IL1RAPL1: variants seen among roughly 807,000 people sequenced by gnomAD.
IL1RAPL1 encodes interleukin 1 receptor accessory protein like 1.
A neutral mutation model predicts 48.4 loss-of-function variants in IL1RAPL1; 3 were observed. The ratio of observed to expected loss-of-function variants is 0.06; its 90% CI spans 0.03 to 0.16. The LOEUF is 0.16. IL1RAPL1 is among the 10% of genes least tolerant of loss of function. The pLI is 1.00. For synonymous variants in IL1RAPL1, 185 were observed against 187.7 expected (o/e 0.99, Z 0.12); for missense variants, 349 against 530.6 (o/e 0.66, Z 3.36).
At chrX:29,733,960 A>G (rs1265859482) in intron 6 of IL1RAPL1, among the ~76,000 whole-genome samples, 2 of 112,673 alleles carry the variant, frequency 1.8e-5, no homozygotes, top group African/African-American at 6.5e-5. Context: ...ATATGAACTT[A>G]ATTAAAAGTA....
chrX:29,918,658 C>A (rs1184648147), intron 7 of IL1RAPL1, among the ~76,000 whole-genome samples: 2 of 111,240 alleles, frequency 1.8e-5, no homozygotes, highest in African/African-American at 6.5e-5. Flanking sequence ...TAAGGATACA[C>A]AAAATGTGTT....
At chrX:29,175,073 C>CA (rs3065738) in intron 2 of IL1RAPL1, among the ~76,000 whole-genome samples, 84 of 61,490 alleles carry the variant, frequency 1.4e-3, no homozygotes, top group Admixed American at 2.7e-3. Context: ...GACTCCGTCT[C>CA]AAAAAAAAAA....
chrX:28,626,402 C>T (rs1569140929), intron 1 of IL1RAPL1, among the ~76,000 whole-genome samples: 1 of 112,015 alleles, frequency 8.9e-6, no homozygotes, highest in East Asian at 2.8e-4. Context: ...CTTTTTCTCT[C>T]TTTTTTTAAA....
At chrX:29,268,987 A>G (rs1032559986) in intron 2 of IL1RAPL1, among the ~76,000 whole-genome samples, 10 of 111,916 alleles carry the variant, frequency 8.9e-5, no homozygotes, top group African/African-American at 3.2e-4. Flanking sequence ...CTTTTGAAGG[A>G]TGCATCAAGA....
chrX:29,258,857 A>G (rs141158457), intron 2 of IL1RAPL1, among the ~76,000 whole-genome samples: 1,790 of 111,635 alleles, frequency 0.016, 17 homozygotes, highest in Non-Finnish European at 0.023. Flanking sequence ...TCTGCTGGGC[A>G]TGGTTCAAAT....
chrX:29,571,119 G>A (rs867784994), intron 5 of IL1RAPL1, among the ~76,000 whole-genome samples: 12 of 110,924 alleles, frequency 1.1e-4, no homozygotes, highest in African/African-American at 2.3e-4. Flanking sequence ...CTACTCAGGA[G>A]GCTGAGGCAG....
chrX:28,731,634 A>G (rs1372278777), intron 1 of IL1RAPL1, among the ~76,000 whole-genome samples: 3 of 111,296 alleles, frequency 2.7e-5, no homozygotes, highest in Non-Finnish European at 5.7e-5. Flanking sequence ...AGGGAGAGAC[A>G]GGCAAAGTCC....
At chrX:29,783,638 T>TA (rs760843852) in intron 6 of IL1RAPL1, among the ~76,000 whole-genome samples, 21 of 111,809 alleles carry the variant, frequency 1.9e-4, no homozygotes, top group African/African-American at 6.5e-4. Context: ...AGTCCCTGGG[T>TA]AATGTATAAA....
intron 1 of IL1RAPL1, among the ~76,000 whole-genome samples, chrX:28,608,455 A>T (rs1934109900): frequency 8.9e-6 from 1 of 112,204 alleles, no homozygotes; most frequent in African/African-American, 3.2e-5. Context: ...TGATATTTGG[A>T]TTACAATAAA....
At chrX:29,459,981 A>G (rs931184789) in intron 5 of IL1RAPL1, among the ~76,000 whole-genome samples, 1 of 111,617 alleles carries the variant, frequency 9.0e-6, no homozygotes, top group Non-Finnish European at 1.9e-5. Context: ...TTCCACATAT[A>G]AGTGAGGTCA....
intron 6 of IL1RAPL1, among the ~76,000 whole-genome samples, chrX:29,901,725 A>G (rs1255479916): frequency 8.9e-6 from 1 of 112,121 alleles, no homozygotes; most frequent in Admixed American, 9.5e-5. Flanking sequence ...GAGGCTAAAA[A>G]TGCAATAATT....
chrX:29,804,827 G>C (rs1601832807), intron 6 of IL1RAPL1, among the ~76,000 whole-genome samples: 1 of 112,136 alleles, frequency 8.9e-6, no homozygotes, highest in African/African-American at 3.2e-5. Flanking sequence ...AGAAAAGGAA[G>C]CTCAAGCTCA....
rs142946745 is a variant in IL1RAPL1 at position 29,401,663 on chromosome X, T to C, written c.703+2355T>C. Among the ~76,000 whole-genome samples the C allele has an allele frequency of 3.3e-3, 349 of 106,120 alleles. 1 individual carries two copies. The highest frequency in any genetic ancestry group is 0.012 in the African/African-American group (330 of 27,946). 92.2% of individuals were successfully genotyped at this position (106,120 alleles called of 115,157 possible). A position where few individuals can be genotyped will look rare whatever the true frequency, so the allele number is the denominator to read the frequency against. ...TTTGGTTTTAGTGGAATTTGAAGTT[T>C]GTTATAATGTCACTTTAAAAAAAAA... On this transcript the variant is annotated intron_variant, in intron 5 of 10. Transcript: ENST00000378993.
At chrX:28,726,837 G>A (rs1935682756) in intron 1 of IL1RAPL1, among the ~76,000 whole-genome samples, 1 of 111,492 alleles carries the variant, frequency 9.0e-6, no homozygotes, top group African/African-American at 3.3e-5. Context: ...GAGCTCTAGT[G>A]CCTGCATGCT....
At chrX:28,819,184 T>G (rs1433349360) in intron 2 of IL1RAPL1, among the ~76,000 whole-genome samples, 2 of 110,866 alleles carry the variant, frequency 1.8e-5, no homozygotes, top group Non-Finnish European at 3.8e-5. Context: ...TAATGAATTA[T>G]TCCCTTAAAG....
intron 1 of IL1RAPL1, among the ~76,000 whole-genome samples, chrX:28,729,177 T>A (rs960497042): frequency 8.9e-6 from 1 of 111,766 alleles, no homozygotes; most frequent in Non-Finnish European, 1.9e-5. Flanking sequence ...CAAAATGCTT[T>A]TAAGGGTCAC....
rs141602113 is a variant in IL1RAPL1 at position 28,718,055 on chromosome X, A to G, written c.-24-71265A>G. Reference sequence around the variant, plus strand: ...AGAAATGTAAATAGTTCTTACTATTATGCAATACTTTTTCATTAGAAATAC... The same window carrying G: ...AGAAATGTAAATAGTTCTTACTATTGTGCAATACTTTTTCATTAGAAATAC... On this transcript the variant is annotated intron_variant, in intron 1 of 10. Transcript: ENST00000378993. Among the ~76,000 whole-genome samples the G allele has an allele frequency of 9.3e-3, 1,039 of 111,737 alleles. 12 individuals carry two copies. Among genetic ancestry groups the G allele is most frequent in the African/African-American group, 0.032 (987 of 30,848 alleles).
intron 1 of IL1RAPL1, among the ~76,000 whole-genome samples, chrX:28,613,595 G>A (rs1934178639): frequency 8.9e-6 from 1 of 112,493 alleles, no homozygotes; most frequent in Non-Finnish European, 1.9e-5. Flanking sequence ...CAGAAGCTCT[G>A]TACTGAAGAG....
intron 2 of IL1RAPL1, among the ~76,000 whole-genome samples, chrX:29,220,984 TC>T (rs1237491236): frequency 9.0e-6 from 1 of 111,173 alleles, no homozygotes; most frequent in African/African-American, 3.3e-5. Context: ...CAATCTTGGC[TC>T]CCTGGCTCAA....
Sources: allele counts gnomAD v4.1 joint callset (sites outside exome capture counted in the v4.1 genomes callset), GRCh38; gene constraint gnomAD v4.1.1; transcripts MANE v1.5; gene names NCBI Gene and HGNC (gene_info 2026-07-23, HGNC 2026-07-21).